The following MDGA2 variants were observed in gnomAD, a reference collection of about 807,000 sequenced individuals.
MDGA2 encodes MAM domain-containing glycosylphosphatidylinositol anchor protein 2.
In MDGA2, 40 loss-of-function variants were observed where a neutral mutation model predicts 117.8. The observed-to-expected ratio is 0.34, with a 90% CI of 0.26 to 0.44. The LOEUF (loss-of-function observed/expected upper bound fraction) is 0.44, where lower values mean the gene tolerates loss of function less well. Ranked by LOEUF, MDGA2 falls within the 20% of genes least tolerant of loss-of-function variation. MDGA2 has a pLI of 1.00. For synonymous variants in MDGA2, 452 were observed against 439.0 expected, an observed-to-expected ratio of 1.03 and a Z score of -0.37; for missense variants, 1,123 against 1,250.6, an observed-to-expected ratio of 0.90 and a Z score of 1.54.
intron 8 of MDGA2, among the ~76,000 whole-genome samples, chr14:46,971,970 G>T (rs914721999): frequency 6.6e-6 from 1 of 152,118 alleles, no homozygotes; most frequent in African/African-American, 2.4e-5. Context: ...AAAACCTACT[G>T]TATAATAAAC....
intron 3 of MDGA2, among the ~76,000 whole-genome samples, chr14:47,208,530 C>CTTTTT (rs35699705): frequency 7.0e-6 from 1 of 142,298 alleles, no homozygotes; most frequent in South Asian, 2.2e-4. Context: ...TCTCTAAACT[C>CTTTTT]TTTTTTTTTT....
chr14:47,646,869 C>T (rs1198881788), intron 1 of MDGA2, among the ~76,000 whole-genome samples: 1 of 152,170 alleles, frequency 6.6e-6, no homozygotes, highest in African/African-American at 2.4e-5. Context: ...TAAATCCACA[C>T]TCTTTAGTGT....
In MDGA2 at chr14:47,076,379, G is replaced by A. The variant is rs544140682; in HGVS notation, c.1196-14801C>T. Among the ~76,000 whole-genome samples, 66 of 151,768 alleles carry A rather than the reference G, an allele frequency of 4.3e-4. No individual in the cohort carries two copies. The Middle Eastern group carries it at 0.01, about 23-fold the overall frequency. On this transcript the variant is annotated intron_variant, in intron 6 of 16. Transcript: ENST00000399232. ...TTCATTAATATTCATAATTTCTTGC[G>A]GTTAAAAATCAAAATGACACATTTT... is the stretch of plus-strand genomic sequence containing the variant.
Position 47,375,496 on chromosome 14 carries a change from T to A in MDGA2, c.281-73946A>T, listed in dbSNP as rs193133115. Among the ~76,000 whole-genome samples the A allele has an allele frequency of 1.1e-4, 16 of 152,250 alleles. No homozygotes were observed. The East Asian group carries it at 2.9e-3, about 28-fold the overall frequency. On this transcript the variant is annotated intron_variant, in intron 1 of 16. Transcript: ENST00000399232. ...ACTGATGTACTCATGATATTTTAAA[T>A]AACTTGCTTTCCCTAAATCTGCCAT...
chr14:47,219,794 AAT>A (rs1169706900), intron 2 of MDGA2, among the ~76,000 whole-genome samples: 1 of 152,110 alleles, frequency 6.6e-6, no homozygotes, highest in Non-Finnish European at 1.5e-5. Context: ...GAAACAAGAG[AAT>A]AGTCTCGTCT....
intron 7 of MDGA2, among the ~76,000 whole-genome samples, chr14:47,047,527 G>C (rs1314542110): frequency 6.6e-6 from 1 of 152,024 alleles, no homozygotes; most frequent in Non-Finnish European, 1.5e-5. Flanking sequence ...GGGAAAGTAG[G>C]CAAGTCTGCA....
intron 1 of MDGA2, among the ~76,000 whole-genome samples, chr14:47,342,310 GT>G (rs1890654896): frequency 2.0e-5 from 3 of 147,388 alleles, no homozygotes; most frequent in South Asian, 4.2e-4. Context: ...AAATATGTGT[GT>G]ATATATATTT....
intron 1 of MDGA2, among the ~76,000 whole-genome samples, chr14:47,512,140 AACTG>A (rs754420491): frequency 2.0e-5 from 3 of 152,154 alleles, no homozygotes; most frequent in Non-Finnish European, 4.4e-5. Flanking sequence ...CATGCATATC[AACTG>A]ACTTAGTATT....
intron 7 of MDGA2, among the ~76,000 whole-genome samples, chr14:47,056,128 CAGTTTT>C (rs1225784167): frequency 1.3e-5 from 2 of 152,086 alleles, no homozygotes; most frequent in Admixed American, 1.3e-4. Flanking sequence ...TATAAAACTT[CAGTTTT>C]AATCAGCAGA....
chr14:47,292,117 A>G (rs28401257), intron 2 of MDGA2, among the ~76,000 whole-genome samples: 22,716 of 151,214 alleles, frequency 0.15, 2,000 homozygotes, highest in South Asian at 0.27. Context: ...AAGCTATTAT[A>G]TATCATAATC....
At chr14:46,892,461 T>G (rs1882920719) in intron 10 of MDGA2, among the ~76,000 whole-genome samples, 1 of 151,980 alleles carries the variant, frequency 6.6e-6, no homozygotes, top group Non-Finnish European at 1.5e-5. Flanking sequence ...AATTGTTGGA[T>G]ATTTAACCAA....
chr14:47,335,375 T>C (rs1302877794), intron 1 of MDGA2, among the ~76,000 whole-genome samples: 1 of 150,506 alleles, frequency 6.6e-6, no homozygotes, highest in Non-Finnish European at 1.5e-5. Flanking sequence ...AAAGAAGACA[T>C]TGGAGCAAAG....
At chr14:47,257,231 T>C (rs1887650960) in intron 2 of MDGA2, among the ~76,000 whole-genome samples, 1 of 152,144 alleles carries the variant, frequency 6.6e-6, no homozygotes, top group African/African-American at 2.4e-5. Flanking sequence ...TGTCAGATCT[T>C]ATCTCCTACA....
chr14:47,240,020 A>G (rs907702157), intron 2 of MDGA2, among the ~76,000 whole-genome samples: 2 of 151,688 alleles, frequency 1.3e-5, no homozygotes, highest in East Asian at 1.9e-4. Flanking sequence ...TAATGGAAGG[A>G]TAGACATTAT....
At chr14:47,038,196 T>G (rs556552696) in intron 7 of MDGA2, among the ~76,000 whole-genome samples, 1 of 152,310 alleles carries the variant, frequency 6.6e-6, no homozygotes. Context: ...CCTCCCAAAG[T>G]GCTGAGATTA....
At chr14:47,226,876 G>A (rs963115324) in intron 2 of MDGA2, among the ~76,000 whole-genome samples, 4 of 152,048 alleles carry the variant, frequency 2.6e-5, no homozygotes, top group South Asian at 2.1e-4. Flanking sequence ...TTCCATGACC[G>A]TGAGACTATG....
intron 7 of MDGA2, among the ~76,000 whole-genome samples, chr14:47,035,607 T>G (rs1404050240): frequency 2.6e-5 from 4 of 152,174 alleles, no homozygotes. Flanking sequence ...AACTGGGGCT[T>G]TAACATTTGC....
At chr14:46,922,351 A>G (rs1363691806) in intron 9 of MDGA2, among the ~76,000 whole-genome samples, 1 of 152,190 alleles carries the variant, frequency 6.6e-6, no homozygotes, top group Non-Finnish European at 1.5e-5. Context: ...TGAGATGGGT[A>G]GCTGCCCACA....
intron 8 of MDGA2, 85 bp downstream of exon 8, chr14:47,034,926 A>C: frequency 1.6e-6 from 2 of 1,249,940 alleles, no homozygotes; most frequent in Non-Finnish European, 2.2e-6. Context: ...CTAGTTACAA[A>C]AATCACCTCA....
Sources: allele counts gnomAD v4.1 joint callset (sites outside exome capture counted in the v4.1 genomes callset), GRCh38; gene constraint gnomAD v4.1.1; transcripts MANE v1.5; gene names NCBI Gene and HGNC (gene_info 2026-07-23, HGNC 2026-07-21).